Variants in DHODH observed in about 807,000 individuals in gnomAD.
DHODH encodes the protein dihydroorotate dehydrogenase (quinone), also known as dihydroorotate dehydrogenase (quinone), mitochondrial.
DHODH carries 30 observed loss-of-function variants against 39.7 expected under a neutral mutation model. The observed-to-expected ratio is 0.76, with a 90% CI of 0.57 to 1.02. The LOEUF is 1.02. Among genes scored for constraint, DHODH ranks in the 50% least tolerant of loss-of-function variants. The pLI is 0.00. For missense variants in DHODH, 531 were observed against 520.8 expected, an observed-to-expected ratio of 1.02 and a Z score of -0.19; for synonymous variants, 222 against 213.8, an observed-to-expected ratio of 1.04 and a Z score of -0.34.
In DHODH at chr16:72,022,188, G is replaced by T. The variant is rs1468791099; in HGVS notation, c.706-174G>T. Among the ~76,000 whole-genome samples the T allele has an allele frequency of 2.6e-5, 4 of 151,930 alleles. No individual in the cohort carries two copies. In the South Asian group the frequency reaches 8.3e-4, roughly 32 times the overall value. Reference sequence around the variant, plus strand: ...TCCCTTGGCCTAAAAGAATGGAATCGGATCCATCTCGACTGTACTCCTCAC... The same window carrying T: ...TCCCTTGGCCTAAAAGAATGGAATCTGATCCATCTCGACTGTACTCCTCAC... On this transcript the variant is annotated intron_variant, in intron 5 of 8. Coordinates refer to ENST00000219240, the MANE Select transcript of DHODH (RefSeq NM_001361.5).
intron 4 of DHODH, among the ~76,000 whole-genome samples, chr16:72,019,649 T>A (rs180880837): frequency 3.3e-5 from 5 of 152,224 alleles, no homozygotes; most frequent in Admixed American, 2.6e-4. Context: ...ATTGCTTACA[T>A]GTAAACTGAG....
intron 4 of DHODH, among the ~76,000 whole-genome samples, chr16:72,020,000 G>A (rs1046096518): frequency 2.0e-5 from 3 of 152,050 alleles, no homozygotes; most frequent in East Asian, 1.9e-4. Flanking sequence ...AAATTAGGCC[G>A]GTTGCAGTGG....
intron 1 of DHODH, 40 bp downstream of exon 1, chr16:72,008,825 G>C: frequency 6.4e-7 from 1 of 1,552,386 alleles, no homozygotes; most frequent in Non-Finnish European, 8.7e-7. Context: ...GGGGACCAGG[G>C]ACCGGGGAGG....
chr16:72,010,637 G>C (rs1169389873), intron 1 of DHODH, among the ~76,000 whole-genome samples: 1 of 152,222 alleles, frequency 6.6e-6, no homozygotes, highest in Non-Finnish European at 1.5e-5. Flanking sequence ...ATAGAGAAAA[G>C]CATTGTGAAC....
chr16:72,015,564 C>A, intron 3 of DHODH: 1 of 436,376 alleles, frequency 2.3e-6, no homozygotes, highest in Non-Finnish European at 3.0e-6. Flanking sequence ...CACTGGTGGC[C>A]TCCTGGGAGA....
Position 72,023,607 on chromosome 16 carries a change from CA to C in DHODH, c.1109del (p.Lys370SerfsTer8), listed in dbSNP as rs1399708490. On this transcript the variant is annotated frameshift_variant, in exon 8 of 9. Transcript: ENST00000219240. LOFTEE classifies it high-confidence loss of function. ...FWGPPVVGKV[K>X]RELEALLKEQ... ...GGGGGCCACCCGTTGTGGGCAAAGTCAAGCGGGAACTGGAGGCCCTTCTGAA... is the reference window on the plus strand; with the variant it reads ...GGGGGCCACCCGTTGTGGGCAAAGTCAGCGGGAACTGGAGGCCCTTCTGAA... 1 of 1,613,962 alleles carries C rather than the reference CA, an allele frequency of 6.2e-7. No individual in the cohort carries two copies. Among genetic ancestry groups the C allele is most frequent in the East Asian group, 2.2e-5 (1 of 44,894 alleles).
At chr16:72,014,769 A>C in intron 3 of DHODH, 97 bp downstream of exon 3, 1 of 1,189,354 alleles carries the variant, frequency 8.4e-7, no homozygotes. Context: ...CTCTCATACA[A>C]TGTGGACATT....
In DHODH at chr16:72,024,279, G is replaced by C; in HGVS notation, c.*80G>C. On this transcript the variant is annotated 3_prime_UTR_variant, in exon 9 of 9. Transcript: ENST00000219240. ...CCTTTGTGGCTGGATCATGAGAGGA[G>C]GGACTCCATCTTGAGCCATGTCCCC... is the stretch of plus-strand genomic sequence containing the variant. 6.7e-7 allele frequency: 1 copy of C among 1,493,242 alleles called. No homozygotes were observed. Among genetic ancestry groups the C allele is most frequent in the Non-Finnish European group, 9.3e-7 (1 of 1,073,264 alleles). 92.5% of individuals were successfully genotyped at this position (1,493,242 alleles called of 1,614,324 possible). A position where few individuals can be genotyped will look rare whatever the true frequency, so the allele number is the denominator to read the frequency against.
At chr16:72,013,240 C>T (rs972418924) in intron 2 of DHODH, among the ~76,000 whole-genome samples, 1 of 152,208 alleles carries the variant, frequency 6.6e-6, no homozygotes, top group Non-Finnish European at 1.5e-5. Context: ...CTAACAGGCA[C>T]TGTAGGCTCA....
Position 72,012,131 on chromosome 16 carries a change from C to T in DHODH, c.103C>T (p.Arg35Cys), listed in dbSNP as rs368757082. 12 of 1,614,106 alleles carry T rather than the reference C, an allele frequency of 7.4e-6. No homozygotes were observed. Among genetic ancestry groups the T allele is most frequent in the East Asian group, 2.2e-5 (1 of 44,864 alleles). Reference sequence around the variant, plus strand: ...CTACCTGATGGCCACGGGAGATGAGCGTTTCTATGCTGAACACCTGATGCC... The same window carrying T: ...CTACCTGATGGCCACGGGAGATGAGTGTTTCTATGCTGAACACCTGATGCC... ...ASYLMATGDE[R>C]FYAEHLMPTL... Residue 35 changes from arginine to cysteine, a missense_variant, in exon 2 of 9, where the codon CGT becomes TGT. Coordinates refer to ENST00000219240, the MANE Select transcript of DHODH (RefSeq NM_001361.5).
At chr16:72,018,298 G>A (rs990580561) in intron 4 of DHODH, among the ~76,000 whole-genome samples, 1 of 152,164 alleles carries the variant, frequency 6.6e-6, no homozygotes, top group South Asian at 2.1e-4. Flanking sequence ...AGATAGTCCT[G>A]GTAGCAGGAT....
chr16:72,009,130 T>A, intron 1 of DHODH: 1 of 1,226,028 alleles, frequency 8.2e-7, no homozygotes. Flanking sequence ...GAGTAGGACA[T>A]GCTCCCAACC....
At chr16:72,018,438 C>T (rs1373665510) in intron 4 of DHODH, among the ~76,000 whole-genome samples, 3 of 152,292 alleles carry the variant, frequency 2.0e-5, no homozygotes, top group East Asian at 1.9e-4. Context: ...AACCAGACCC[C>T]GCTGTACTGC....
intron 1 of DHODH, among the ~76,000 whole-genome samples, chr16:72,011,329 T>C (rs940742140): frequency 6.6e-6 from 1 of 152,172 alleles, no homozygotes; most frequent in African/African-American, 2.4e-5. Context: ...TTACAAGATA[T>C]TTGTACTGTA....
chr16:72,010,261 C>G (rs907551645), intron 1 of DHODH, among the ~76,000 whole-genome samples: 2 of 152,158 alleles, frequency 1.3e-5, no homozygotes, highest in Non-Finnish European at 2.9e-5. Context: ...ACTGAGAGAG[C>G]CTTTACACTT....
In DHODH at chr16:72,027,008, TG is replaced by T. The variant is rs1162157715; in HGVS notation, c.*2810del. 6,797 of 62,986 alleles carry T rather than the reference TG, an allele frequency of 0.11. 359 individuals are homozygous for T. The highest frequency in any genetic ancestry group is 0.19 in the South Asian group (337 of 1,778). The allele number at this position is 62,986 out of a possible 1,614,324, so 3.9% of individuals were successfully genotyped here. The stretch of plus-strand genomic sequence containing the variant: ...GTGTGTGTGTGTGTGTGTGTGTGTG[TG>T]TTTTTGAGATGGAGTCCTGCTCTGT... On this transcript the variant is annotated 3_prime_UTR_variant, in exon 9 of 9. Coordinates refer to ENST00000219240, the MANE Select transcript of DHODH (RefSeq NM_001361.5).
At chr16:72,016,994 C>G (rs2041148579) in intron 3 of DHODH, 30 bp from the exon 4 acceptor site, 3 of 1,607,326 alleles carry the variant, frequency 1.9e-6, no homozygotes, top group Non-Finnish European at 2.6e-6. Flanking sequence ...CCGTCTCACT[C>G]TGCCCCTCCC....
At chr16:72,022,513 TG>T in intron 6 of DHODH, 38 bp downstream of exon 6, 1 of 1,506,034 alleles carries the variant, frequency 6.6e-7, no homozygotes. Flanking sequence ...GTGCCTCCCA[TG>T]GTCTGCAGAG....
At chr16:72,022,337 C>T (rs777676819) in intron 5 of DHODH, 25 bp from the exon 6 acceptor site, 1 of 1,540,774 alleles carries the variant, frequency 6.5e-7, no homozygotes, top group Non-Finnish European at 8.8e-7. Context: ...GCGGGGTCCC[C>T]AGCTCTGGCC....
Sources: gnomAD v4.1 joint callset for allele counts (sites outside exome capture counted in the v4.1 genomes callset) on GRCh38, gnomAD v4.1.1 for gene constraint, MANE v1.5 for transcripts, NCBI Gene and HGNC (gene_info 2026-07-23, HGNC 2026-07-21) for gene names.